Variants in FOXJ3 observed in about 807,000 individuals in gnomAD.
FOXJ3 encodes the protein forkhead box J3.
In FOXJ3, 22 loss-of-function variants were observed where a neutral mutation model predicts 76.1. That is an observed-to-expected ratio of 0.29 (90% CI 0.21 to 0.41). The LOEUF is 0.41. FOXJ3 is among the 10% of genes least tolerant of loss of function. FOXJ3 has a pLI of 1.00. For synonymous variants in FOXJ3, 269 were observed against 261.2 expected, an observed-to-expected ratio of 1.03 and a Z score of -0.29; for missense variants, 613 against 762.1, an observed-to-expected ratio of 0.80 and a Z score of 2.30.
At chr1:42,325,346 T>TAGGTAG (rs1299013335) in intron 1 of FOXJ3, among the ~76,000 whole-genome samples, 2 of 152,200 alleles carry the variant, frequency 1.3e-5, no homozygotes, top group Non-Finnish European at 2.9e-5. Context: ...TCCATTAAGT[T>TAGGTAG]CTTTGAACAA....
intron 1 of FOXJ3, among the ~76,000 whole-genome samples, chr1:42,326,290 C>A (rs373832992): frequency 2.0e-5 from 3 of 152,184 alleles, no homozygotes; most frequent in African/African-American, 7.2e-5. Context: ...CAAATTCTCA[C>A]TTGAACCATA....
intron 1 of FOXJ3, among the ~76,000 whole-genome samples, chr1:42,316,375 T>C (rs1390380762): frequency 1.7e-5 from 2 of 116,570 alleles, no homozygotes; most frequent in Non-Finnish European, 3.5e-5. Flanking sequence ...CTTGCTGTGT[T>C]GTCCAAACTG....
chr1:42,293,902 A>G (rs1368423951), intron 2 of FOXJ3, among the ~76,000 whole-genome samples: 2 of 152,224 alleles, frequency 1.3e-5, no homozygotes, highest in Non-Finnish European at 2.9e-5. Context: ...AACCTTCAAA[A>G]GAGACCCAGC....
chr1:42,264,315 T>TTTTAC (rs1345566857), intron 4 of FOXJ3, among the ~76,000 whole-genome samples: 2 of 152,094 alleles, frequency 1.3e-5, no homozygotes, highest in African/African-American at 2.4e-5. Flanking sequence ...GTAAAGAATA[T>TTTTAC]TTTACAAGAA....
intron 4 of FOXJ3, among the ~76,000 whole-genome samples, chr1:42,248,140 G>C (rs1649690883): frequency 6.6e-6 from 1 of 152,176 alleles, no homozygotes; most frequent in Admixed American, 6.5e-5. Context: ...TAATGGATAG[G>C]TTTCTTTTTG....
In FOXJ3 at chr1:42,184,691, G is replaced by T. The variant is rs564834971; in HGVS notation, c.1646-2667C>A. Among the ~76,000 whole-genome samples the T allele has an allele frequency of 1.3e-4, 20 of 152,128 alleles. No individual in the cohort carries two copies. In the East Asian group the frequency reaches 3.9e-3, roughly 29 times the overall value. On this transcript the variant is annotated intron_variant, in intron 11 of 12. Coordinates refer to ENST00000361346, the MANE Select transcript of FOXJ3 (RefSeq NM_014947.5). ...ATTAAATAGTATGTAACATGCTATG[G>T]AAAAAAAGCAGAGAGAGAGAACAAG...
At chr1:42,315,984 C>G (rs899062134) in intron 1 of FOXJ3, among the ~76,000 whole-genome samples, 3 of 152,132 alleles carry the variant, frequency 2.0e-5, no homozygotes, top group Non-Finnish European at 4.4e-5. Context: ...TATTATATTC[C>G]ATTACCAACA....
chr1:42,247,257 A>G (rs1292841155), intron 4 of FOXJ3, among the ~76,000 whole-genome samples: 2 of 152,246 alleles, frequency 1.3e-5, no homozygotes, highest in African/African-American at 4.8e-5. Context: ...TATGTATGTA[A>G]CAAAATACAA....
chr1:42,333,504 C>T (rs1656280493), intron 1 of FOXJ3, among the ~76,000 whole-genome samples: 1 of 151,876 alleles, frequency 6.6e-6, no homozygotes, highest in Admixed American at 6.6e-5. Context: ...GACACAAAAG[C>T]AAAAAGAGAA....
chr1:42,199,293 AAT>A (rs1232092883), intron 6 of FOXJ3, 63 bp from the exon 7 acceptor site: 13 of 1,438,382 alleles, frequency 9.0e-6, no homozygotes, highest in Middle Eastern at 1.8e-4. Flanking sequence ...ACTCTGCAAA[AAT>A]ACAATTGAGC....
chr1:42,191,638 C>T lies in FOXJ3; in HGVS notation c.1016G>A (p.Ser339Asn). ...GCTTTGGTTGCTGTGTGGGTGAGTG[C>T]TCACTGTACTGCTGGGAGAGTGCTG... ...TYQHSPSSTV[S>N]THPHSNQSSL... Residue 339 changes from serine (S) to asparagine (N), a missense_variant, in exon 9 of 13, where the codon AGC (serine) becomes AAC (asparagine). This residue lies in a region of FOXJ3 where 526 missense variants were observed against 601.4 expected (regional missense o/e 0.87). Transcript: ENST00000361346. The T allele has an allele frequency of 1.2e-6, 2 of 1,614,124 alleles. No homozygotes were observed. Among genetic ancestry groups the T allele is most frequent in the Non-Finnish European group, 8.5e-7 (1 of 1,180,024 alleles).
At chr1:42,231,128 C>T (rs1476284658) in intron 4 of FOXJ3, among the ~76,000 whole-genome samples, 1 of 149,454 alleles carries the variant, frequency 6.7e-6, no homozygotes, top group Non-Finnish European at 1.5e-5. Flanking sequence ...TCCTGGCTAA[C>T]ACAGTGAAAC....
At chr1:42,253,689 C>A in intron 4 of FOXJ3, among the ~76,000 whole-genome samples, 1 of 152,268 alleles carries the variant, frequency 6.6e-6, no homozygotes, top group Non-Finnish European at 1.5e-5. Flanking sequence ...TTTTGACAAA[C>A]CTGAGAAAAA....
rs1441550418 is a variant in FOXJ3, at chr1:42,252,007, G to A, written c.444+13108C>T. ...GCTGGGATTACAGGCGTGAGCCACC[G>A]CGCCCGGCCGGTTTGCCAGTATTTT... On this transcript the variant is annotated intron_variant, in intron 4 of 12. Transcript: ENST00000361346. 9.9e-5 allele frequency among the ~76,000 whole-genome samples: 15 copies of A among 152,064 alleles called. No individual in the cohort carries two copies. The South Asian group carries it at 2.3e-3, about 23-fold the overall frequency.
At chr1:42,216,284 C>T (rs573453072) in intron 5 of FOXJ3, among the ~76,000 whole-genome samples, 3 of 151,706 alleles carry the variant, frequency 2.0e-5, no homozygotes, top group Non-Finnish European at 2.9e-5. Context: ...TTTGGGAGGC[C>T]GAGGCGGGCG....
rs1295173699 is a variant in FOXJ3 at position 42,227,874 on chromosome 1, A to C, written c.528+9T>G. ...GCATTACACTAAATTTATGATAAAGAGCCTTTACCCGTTCTACAGATCGTG... is the reference window on the plus strand; with the variant it reads ...GCATTACACTAAATTTATGATAAAGCGCCTTTACCCGTTCTACAGATCGTG... On this transcript the variant is annotated intron_variant, in intron 5 of 12. Transcript: ENST00000361346. 1 of 1,501,970 alleles carries C rather than the reference A, an allele frequency of 6.7e-7. No homozygotes were observed. Among genetic ancestry groups the C allele is most frequent in the East Asian group, 2.3e-5 (1 of 43,668 alleles). 93.0% of individuals were successfully genotyped at this position (1,501,970 alleles called of 1,614,324 possible). A position where few individuals can be genotyped will look rare whatever the true frequency, so the allele number is the denominator to read the frequency against.
chr1:42,307,144 A>C (rs1654519961), intron 2 of FOXJ3, among the ~76,000 whole-genome samples: 2 of 152,246 alleles, frequency 1.3e-5, no homozygotes, highest in Non-Finnish European at 2.9e-5. Flanking sequence ...TCCCCAGCAA[A>C]GGCTTCTTCA....
chr1:42,319,238 T>TGTTTC (rs1655296570), intron 1 of FOXJ3, among the ~76,000 whole-genome samples: 1 of 152,034 alleles, frequency 6.6e-6, no homozygotes, highest in Non-Finnish European at 1.5e-5. Context: ...TGTTTTGTTT[T>TGTTTC]GTTTTGTTTA....
chr1:42,274,681 A>G (rs560850083), intron 3 of FOXJ3, among the ~76,000 whole-genome samples: 1 of 152,308 alleles, frequency 6.6e-6, no homozygotes, highest in East Asian at 1.9e-4. Context: ...TGGCAGACAG[A>G]AAATAATAAA....
Sources: gnomAD v4.1 joint callset for allele counts (sites outside exome capture counted in the v4.1 genomes callset) on GRCh38, gnomAD v4.1.1 for gene constraint, gnomAD v4.1.1 regional missense constraint, MANE v1.5 for transcripts, NCBI Gene and HGNC (gene_info 2026-07-23, HGNC 2026-07-21) for gene names.